The following CHST9 variants were observed in gnomAD, a reference collection of about 807,000 sequenced individuals.
CHST9 encodes carbohydrate sulfotransferase 9, also known as GalNAc-4-sulfotransferase 2.
Under a neutral mutation model 44.4 loss-of-function variants are expected in CHST9, and 41 were observed. That is an observed-to-expected ratio of 0.92 (90% confidence interval 0.72 to 1.20). The LOEUF is 1.20. Ranked by LOEUF, CHST9 falls within the 50% of genes most tolerant of loss-of-function variation. The pLI is 0.00. For synonymous variants in CHST9, 171 were observed against 178.4 expected (o/e 0.96, Z 0.33); for missense variants, 504 against 516.5 (o/e 0.98, Z 0.23).
Position 27,091,460 on chromosome 18 carries a change from T to C in CHST9, c.122-42957A>G, listed in dbSNP as rs760572367. Among the ~76,000 whole-genome samples, 84 of 152,182 alleles carry C rather than the reference T, an allele frequency of 5.5e-4. 1 individual carries two copies. Among genetic ancestry groups the C allele is most frequent in the Non-Finnish European group, 1.9e-4 (13 of 68,024 alleles). On this transcript the variant is annotated intron_variant, in intron 2 of 5. Transcript: ENST00000618847. ...ATTTCTTCCTCTTGCCTGATTGCCC[T>C]GGCCAGAATTTCCAACACTATGTTG...
chr18:27,092,097 A>G (rs2058074742), intron 2 of CHST9, among the ~76,000 whole-genome samples: 2 of 152,304 alleles, frequency 1.3e-5, no homozygotes, highest in Admixed American at 1.3e-4. Context: ...TTGGTAGGCT[A>G]CTAATTATTG....
At chr18:27,106,336 ATTC>A (rs2058221143) in intron 2 of CHST9, among the ~76,000 whole-genome samples, 1 of 152,206 alleles carries the variant, frequency 6.6e-6, no homozygotes, top group Non-Finnish European at 1.5e-5. Context: ...ACTAAGGATC[ATTC>A]TTCTTAGTTT....
intron 2 of CHST9, among the ~76,000 whole-genome samples, chr18:27,120,363 T>G (rs2058364428): frequency 6.6e-6 from 1 of 152,204 alleles, no homozygotes; most frequent in Non-Finnish European, 1.5e-5. Context: ...ATAACAGATG[T>G]TATTTTTCTC....
chr18:27,074,816 T>C (rs1407773198), intron 2 of CHST9, among the ~76,000 whole-genome samples: 1 of 148,092 alleles, frequency 6.8e-6, no homozygotes, highest in Non-Finnish European at 1.5e-5. Context: ...TTAACTTATA[T>C]ATAATTATAA....
At chr18:27,135,797 A>G (rs2058508880) in intron 2 of CHST9, among the ~76,000 whole-genome samples, 1 of 151,384 alleles carries the variant, frequency 6.6e-6, no homozygotes, top group Non-Finnish European at 1.5e-5. Context: ...CACTGATCTA[A>G]CTGCTTTTCT....
intron 1 of CHST9, among the ~76,000 whole-genome samples, chr18:27,162,851 G>T (rs968537256): frequency 6.6e-6 from 1 of 152,194 alleles, no homozygotes; most frequent in Non-Finnish European, 1.5e-5. Context: ...TCCGTTGCTG[G>T]TGAGGAGCTG....
intron 2 of CHST9, among the ~76,000 whole-genome samples, chr18:27,124,853 C>T (rs1002694482): frequency 6.6e-6 from 1 of 152,058 alleles, no homozygotes; most frequent in African/African-American, 2.4e-5. Flanking sequence ...ATTCTGAGTC[C>T]AAAATTCTGA....
At chr18:27,064,900 A>C (rs2057764474) in intron 2 of CHST9, among the ~76,000 whole-genome samples, 1 of 152,216 alleles carries the variant, frequency 6.6e-6, no homozygotes, top group South Asian at 2.1e-4. Flanking sequence ...AAACATTTCA[A>C]GCATCACATG....
intron 1 of CHST9, among the ~76,000 whole-genome samples, chr18:27,148,916 T>C (rs200626066): frequency 0.27 from 28,771 of 105,840 alleles, 5,629 homozygotes; most frequent in East Asian, 0.49. Flanking sequence ...CTCTCCAGCA[T>C]CTGTTGTTTC....
intron 3 of CHST9, among the ~76,000 whole-genome samples, chr18:27,042,596 G>A (rs1440110030): frequency 6.6e-6 from 1 of 152,038 alleles, no homozygotes; most frequent in Non-Finnish European, 1.5e-5. Flanking sequence ...CCTAAAGCAA[G>A]TAATTTAACC....
At chr18:27,180,279 A>G (rs986823019) in intron 1 of CHST9, among the ~76,000 whole-genome samples, 12 of 152,206 alleles carry the variant, frequency 7.9e-5, no homozygotes, top group African/African-American at 2.9e-4. Context: ...CTATGTGTCT[A>G]GTGAAGTTAT....
chr18:27,016,313 T>C (rs936953830), intron 4 of CHST9, among the ~76,000 whole-genome samples: 1 of 152,194 alleles, frequency 6.6e-6, no homozygotes, highest in African/African-American at 2.4e-5. Flanking sequence ...TCCTGTTACC[T>C]TGGCCTAGAA....
At chr18:27,182,502 G>T (rs1403056264) in intron 1 of CHST9, among the ~76,000 whole-genome samples, 2 of 152,142 alleles carry the variant, frequency 1.3e-5, no homozygotes, top group Admixed American at 6.5e-5. Flanking sequence ...ATATGAAAAT[G>T]CTTTGGGACA....
chr18:27,019,697 A>G (rs1346729110), intron 4 of CHST9, among the ~76,000 whole-genome samples: 1 of 150,948 alleles, frequency 6.6e-6, no homozygotes, highest in African/African-American at 2.4e-5. Context: ...GGCAAAAAAA[A>G]AAAAAAAAAA....
chr18:27,046,866 G>A (rs9958649), intron 3 of CHST9, among the ~76,000 whole-genome samples: 44,121 of 151,906 alleles, frequency 0.29, 6,650 homozygotes, highest in African/African-American at 0.33. Context: ...ACAAGCTACA[G>A]ATCAGATAGG....
intron 2 of CHST9, among the ~76,000 whole-genome samples, chr18:27,118,839 C>G (rs2058350724): frequency 6.6e-6 from 1 of 152,318 alleles, no homozygotes; most frequent in South Asian, 2.1e-4. Context: ...CTAACTTTTC[C>G]TTTTCCATCA....
At chr18:27,075,159 G>T (rs9304503) in intron 2 of CHST9, among the ~76,000 whole-genome samples, 99,998 of 147,114 alleles carry the variant, frequency 0.68, 34,026 homozygotes, top group East Asian at 0.77. Flanking sequence ...TGCTTTTTTT[G>T]TTTGTTTTTT....
At chr18:26,996,415 G>T (rs545033748) in intron 4 of CHST9, among the ~76,000 whole-genome samples, 1 of 152,106 alleles carries the variant, frequency 6.6e-6, no homozygotes, top group African/African-American at 2.4e-5. Flanking sequence ...TGAATGGCTC[G>T]GTGCTGTCCT....
chr18:27,012,304 G>A (rs1009552097), intron 4 of CHST9, among the ~76,000 whole-genome samples: 1 of 151,958 alleles, frequency 6.6e-6, no homozygotes. Flanking sequence ...TAATGTAGTC[G>A]ATTAACATAT....
Sources: allele counts gnomAD v4.1 joint callset (sites outside exome capture counted in the v4.1 genomes callset), GRCh38; gene constraint gnomAD v4.1.1; transcripts MANE v1.5; gene names NCBI Gene and HGNC (gene_info 2026-07-23, HGNC 2026-07-21).